SNX9: variants seen among roughly 807,000 people sequenced by gnomAD.
SNX9 encodes sorting nexin 9.
SNX9 carries 44 observed loss-of-function variants against 89.4 expected under a neutral mutation model. The observed-to-expected ratio is 0.49, with a 90% CI of 0.39 to 0.63. SNX9 has a LOEUF of 0.63. Among genes scored for constraint, SNX9 ranks in the 30% least tolerant of loss-of-function variants. The pLI, the probability that SNX9 is intolerant of heterozygous loss-of-function variation, is 0.00. For missense variants in SNX9, 578 were observed against 736.1 expected, an observed-to-expected ratio of 0.79 and a Z score of 2.49; for synonymous variants, 236 against 247.8, an observed-to-expected ratio of 0.95 and a Z score of 0.45.
At chr6:157,936,917 A>G (rs188595640) in intron 14 of SNX9, among the ~76,000 whole-genome samples, 3 of 152,362 alleles carry the variant, frequency 2.0e-5, no homozygotes, top group Admixed American at 2.0e-4. Context: ...AACTATGTGT[A>G]TGGATGCACA....
intron 10 of SNX9, among the ~76,000 whole-genome samples, chr6:157,925,680 T>G (rs1361227750): frequency 6.6e-6 from 1 of 152,060 alleles, no homozygotes; most frequent in Non-Finnish European, 1.5e-5. Context: ...CTAAGCAAGA[T>G]TGAGCAAAAG....
At chr6:157,914,064 A>T (rs1171028345) in intron 9 of SNX9, among the ~76,000 whole-genome samples, 1 of 152,204 alleles carries the variant, frequency 6.6e-6, no homozygotes, top group Non-Finnish European at 1.5e-5. Flanking sequence ...GAAATTGCCC[A>T]ACTGTTTTTC....
intron 9 of SNX9, among the ~76,000 whole-genome samples, chr6:157,915,455 A>C (rs886907176): frequency 6.6e-6 from 1 of 151,534 alleles, no homozygotes; most frequent in Non-Finnish European, 1.5e-5. Flanking sequence ...GTAGTCTTCA[A>C]CATACAGATT....
intron 9 of SNX9, among the ~76,000 whole-genome samples, chr6:157,910,454 G>A (rs1383075898): frequency 6.6e-6 from 1 of 152,222 alleles, no homozygotes; most frequent in Non-Finnish European, 1.5e-5. Context: ...CATTAGATGA[G>A]TGAGCACTGG....
In SNX9 at chr6:157,896,855, C is replaced by T. The variant is rs1332891647; in HGVS notation, c.329C>T (p.Ala110Val). ...QVGSGNDPWS[A>V]WSASKSGNWE... is the part of the protein sequence containing the mutation. ...GGCAGTGGCAATGACCCCTGGTCAG[C>T]CTGGAGTGCCTCCAAATCTGGGAAC... Residue 110 changes from alanine (A) to valine (V), a missense_variant, in exon 5 of 18, where the codon GCC (alanine) becomes GTC (valine). Ala to Val is a moderately conservative substitution (Grantham distance 64). Around this residue, in one of 2 missense-constraint regions of SNX9, gnomAD observed 230 missense variants for 244.7 expected, o/e 0.94. Coordinates refer to ENST00000392185, the MANE Select transcript of SNX9 (RefSeq NM_016224.5). 1 of 1,613,278 alleles carries T rather than the reference C, an allele frequency of 6.2e-7. No individual in the cohort carries two copies. Among genetic ancestry groups the T allele is most frequent in the Admixed American group, 1.7e-5 (1 of 59,608 alleles).
intron 9 of SNX9, among the ~76,000 whole-genome samples, chr6:157,911,976 G>T (rs1274337735): frequency 6.6e-6 from 1 of 152,194 alleles, no homozygotes; most frequent in Non-Finnish European, 1.5e-5. Flanking sequence ...TGGTGCTGGG[G>T]CGGTGGAGTG....
intron 4 of SNX9, among the ~76,000 whole-genome samples, chr6:157,894,106 C>CTTTTTTTTTTTTTTTTTTTTTTT (rs746909411): frequency 1.1e-5 from 1 of 89,530 alleles, no homozygotes; most frequent in African/African-American, 4.5e-5. Flanking sequence ...CTTTTCTTTT[C>CTTTTTTTTTTTTTTTTTTTTTTT]TTTTTTTTTT....
chr6:157,932,084 A>G (rs1313499273), intron 12 of SNX9, 111 bp from the exon 13 acceptor site: 10 of 851,718 alleles, frequency 1.2e-5, no homozygotes, highest in Non-Finnish European at 1.9e-5. Flanking sequence ...GAAGGAATAT[A>G]TAGACTATTT....
Position 157,944,138 on chromosome 6 carries a change from C to T in SNX9, c.*1300C>T, listed in dbSNP as rs79109086. 4,599 of 152,372 alleles carry T rather than the reference C, an allele frequency of 0.03. 226 individuals are homozygous for T. The highest frequency in any genetic ancestry group is 0.1 in the African/African-American group (4,360 of 41,542). The allele number at this position is 152,372 out of a possible 1,614,324, so 9.4% of individuals were successfully genotyped here. A position where few individuals can be genotyped will look rare whatever the true frequency, so the allele number is the denominator to read the frequency against. The stretch of plus-strand genomic sequence containing the variant: ...AACACTGGCAGCCACCGTCTCACCC[C>T]TGCGGAGGAGCGCTCCCGTCTCCCA... On this transcript the variant is annotated 3_prime_UTR_variant, in exon 18 of 18. Coordinates refer to ENST00000392185, the MANE Select transcript of SNX9 (RefSeq NM_016224.5).
chr6:157,911,409 C>T (rs371601794), intron 9 of SNX9, among the ~76,000 whole-genome samples: 3 of 152,246 alleles, frequency 2.0e-5, no homozygotes, highest in East Asian at 3.9e-4. Context: ...TCACTGCACT[C>T]GCAAGAGTCG....
chr6:157,921,750 T>A, intron 10 of SNX9, 89 bp downstream of exon 10: 1 of 1,420,808 alleles, frequency 7.0e-7, no homozygotes, highest in Non-Finnish European at 9.6e-7. Flanking sequence ...TAAAATTATG[T>A]TGGTTAGTTA....
chr6:157,913,959 AT>A (rs34058898), intron 9 of SNX9, among the ~76,000 whole-genome samples: 32,925 of 152,160 alleles, frequency 0.22, 3,626 homozygotes, highest in Non-Finnish European at 0.23. Context: ...AAACATTTGC[AT>A]ACAGGTTTTT....
At chr6:157,932,027 G>A (rs548509786) in intron 12 of SNX9, among the ~76,000 whole-genome samples, 168 bp from the exon 13 acceptor site, 77 of 152,218 alleles carry the variant, frequency 5.1e-4, no homozygotes, top group South Asian at 8.3e-4. Context: ...TAAAATAATC[G>A]AAAGAAATCA....
chr6:157,862,329 G>A (rs756692295), intron 1 of SNX9, among the ~76,000 whole-genome samples: 1 of 152,132 alleles, frequency 6.6e-6, no homozygotes, highest in African/African-American at 2.4e-5. Flanking sequence ...TGAGGAAGAC[G>A]TTAAATATTA....
chr6:157,922,309 T>C (rs981076490), intron 10 of SNX9, among the ~76,000 whole-genome samples: 2 of 152,266 alleles, frequency 1.3e-5, no homozygotes, highest in Non-Finnish European at 2.9e-5. Flanking sequence ...TGTATCATTT[T>C]ATTCTCTAAA....
At position 157,875,045 on chromosome 6, in the gene SNX9, A is replaced by G. The variant is rs1782489822; in HGVS notation, c.175-6A>G. On this transcript the variant is annotated splice_polypyrimidine_tract_variant and splice_region_variant and intron_variant, in intron 3 of 17. Coordinates refer to ENST00000392185, the MANE Select transcript of SNX9 (RefSeq NM_016224.5). ...GAAAATAATTGCGGCTCTTTCTCCT[A>G]TTCAGATTTTACCCAGTGATGGAAA... is the stretch of plus-strand genomic sequence containing the variant. The G allele has an allele frequency of 6.2e-7, 1 of 1,613,676 alleles. No individual in the cohort carries two copies. Among genetic ancestry groups the G allele is most frequent in the Middle Eastern group, 1.6e-4 (1 of 6,062 alleles).
At chr6:157,845,105 CTT>C (rs35257389) in intron 1 of SNX9, among the ~76,000 whole-genome samples, 43 of 124,720 alleles carry the variant, frequency 3.4e-4, no homozygotes, top group Admixed American at 4.9e-4. Flanking sequence ...TCCCATTTGT[CTT>C]TTTTTTTTTT....
chr6:157,838,350 A>G (rs1781626366), intron 1 of SNX9, among the ~76,000 whole-genome samples: 1 of 151,968 alleles, frequency 6.6e-6, no homozygotes, highest in Non-Finnish European at 1.5e-5. Flanking sequence ...GTCTCTCTCT[A>G]GAATTTATAC....
intron 1 of SNX9, among the ~76,000 whole-genome samples, chr6:157,846,417 G>T (rs9347695): frequency 6.6e-6 from 1 of 152,028 alleles, no homozygotes; most frequent in Non-Finnish European, 1.5e-5. Context: ...AAAATAAATC[G>T]TAGTTAAGAA....
Sources: allele counts gnomAD v4.1 joint callset (sites outside exome capture counted in the v4.1 genomes callset), GRCh38; gene constraint gnomAD v4.1.1; regional missense constraint gnomAD v4.1.1; transcripts MANE v1.5; gene names NCBI Gene and HGNC (gene_info 2026-07-23, HGNC 2026-07-21).